TTN: variants seen among roughly 807,000 people sequenced by gnomAD.
TTN encodes the protein connectin.
In TTN, 1,525 loss-of-function variants were observed where a neutral mutation model predicts 3,223.0. The observed-to-expected ratio is 0.47, with a 90% CI of 0.45 to 0.49. The LOEUF (loss-of-function observed/expected upper bound fraction) is 0.49. Among genes scored for constraint, TTN ranks in the 20% least tolerant of loss-of-function variants. TTN has a pLI of 0.00. For synonymous variants in TTN, 14,094 were observed against 15,161.0 expected (o/e 0.93, Z 5.17); for missense variants, 40,786 against 43,424.0 (o/e 0.94, Z 5.40).
rs1436610603 is a variant in TTN, at chr2:178,592,520, T to C, written c.59485A>G (p.Thr19829Ala). The C allele has an allele frequency of 1.2e-6, 2 of 1,613,522 alleles. No individual in the cohort carries two copies. The highest frequency in any genetic ancestry group is 1.7e-6 in the Non-Finnish European group (2 of 1,179,588). Reference protein sequence around the residue: ...TWKKEDRDAPTKARIDVTPVG... With the variant: ...TWKKEDRDAPAKARIDVTPVG... ...GGAGTCACATCAATTCTTGCTTTAG[T>C]TGGAGCATCTCTGTCTTCTTTTTTC... is the stretch of plus-strand genomic sequence containing the variant. The change falls in exon 301 of 363, where the codon ACT (threonine) becomes GCT (alanine). Residue 19829 changes from threonine to alanine, a missense_variant. Thr to Ala is a moderately conservative substitution (Grantham distance 58). Transcript: ENST00000589042.
chr2:178,714,226 T>C lies in TTN; in HGVS notation c.26483-51A>G, dbSNP rs2077117069. 2.5e-6 allele frequency: 4 copies of C among 1,590,296 alleles called. No individual in the cohort carries two copies. The East Asian group carries it at 9.0e-5, about 36-fold the overall frequency. ...ATATTTTAAACTCAAATTGAAAAACTAAAGAAAATACAGATCCTGGTGAGT... is the reference window on the plus strand; with the variant it reads ...ATATTTTAAACTCAAATTGAAAAACCAAAGAAAATACAGATCCTGGTGAGT... On this transcript the variant is annotated intron_variant, in intron 91 of 362. Coordinates refer to ENST00000589042, the MANE Select transcript of TTN (RefSeq NM_001267550.2).
In TTN at chr2:178,581,856, T is replaced by A. The variant is rs568067340; in HGVS notation, c.66463+50A>T. 3.1e-6 allele frequency: 5 copies of A among 1,604,556 alleles called. No homozygotes were observed. In the East Asian group the frequency reaches 9.0e-5, roughly 29 times the overall value. ...TTCATGAAAACTTCCTTCCTGGGTG[T>A]TTAATGCTGCTTTTAACACAGGATA... On this transcript the variant is annotated intron_variant, in intron 315 of 362. Transcript: ENST00000589042.
chr2:178,692,984 G>T (rs539637354), intron 119 of TTN, among the ~76,000 whole-genome samples: 3 of 152,054 alleles, frequency 2.0e-5, no homozygotes, highest in East Asian at 1.9e-4. Context: ...TGGGATGGAG[G>T]GGGTGGAGCC....
In TTN at chr2:178,789,361, T is replaced by C. The variant is rs2093369294; in HGVS notation, c.2075A>G (p.Lys692Arg). The C allele has an allele frequency of 6.2e-7, 1 of 1,613,156 alleles. No homozygotes were observed. Among genetic ancestry groups the C allele is most frequent in the South Asian group, 1.1e-5 (1 of 91,066 alleles). Residue 692 changes from lysine to arginine, a missense_variant and splice_region_variant, in exon 13 of 363, where the codon AAG becomes AGG. Transcript: ENST00000589042. ...RQEQIQVTHG[K>R]VDVGKKAEAV... Reference sequence around the variant, plus strand: ...CACACTTGGAACAACAATAGTCACCTTTCCATGGGTAACTTGGATTTGTTC... The same window carrying C: ...CACACTTGGAACAACAATAGTCACCCTTCCATGGGTAACTTGGATTTGTTC...
intron 47 of TTN, chr2:178,744,761 G>A (rs527724098): frequency 1.0e-6 from 1 of 984,920 alleles, no homozygotes; most frequent in Non-Finnish European, 1.2e-6. Context: ...CAATATGATA[G>A]TTTCCCTTTT....
At chr2:178,660,903 A>G (rs2064630590) in intron 180 of TTN, among the ~76,000 whole-genome samples, 1 of 134,312 alleles carries the variant, frequency 7.4e-6, no homozygotes, top group Non-Finnish European at 1.6e-5. Context: ...ACATTTATGC[A>G]GCCAAAATAC....
chr2:178,675,896 C>A, intron 148 of TTN, 25 bp downstream of exon 148: 1 of 1,597,424 alleles, frequency 6.3e-7, no homozygotes, highest in Non-Finnish European at 8.5e-7. Context: ...ATGGCATAGT[C>A]TAATTTACTT....
chr2:178,765,643 T>C (rs1019208704), intron 41 of TTN, among the ~76,000 whole-genome samples: 2 of 152,104 alleles, frequency 1.3e-5, no homozygotes, highest in Admixed American at 6.6e-5. Context: ...ACCCCTGGAG[T>C]TCCTGCATCT....
Position 178,580,531 on chromosome 2 carries a change from A to G in TTN, c.66848T>C (p.Val22283Ala), listed in dbSNP as rs1246688280. Residue 22283 changes from valine to alanine, a missense_variant, in exon 317 of 363, where the codon GTA (valine) becomes GCA (alanine). Physicochemically the swap from Val to Ala is moderately conservative, Grantham distance 64. Transcript: ENST00000589042. ...TGGAGGTGGGCGTCCTTTTACTGGT[A>G]CATATAGTCTCATAGTAACTCCAGC... ...LRAGVTMRLYVPVKGRPPPKI... is the reference protein window; with the variant it reads ...LRAGVTMRLYAPVKGRPPPKI... 6.2e-7 allele frequency: 1 copy of G among 1,612,810 alleles called. No individual in the cohort carries two copies. Among genetic ancestry groups the G allele is most frequent in the Non-Finnish European group, 8.5e-7 (1 of 1,179,292 alleles).
rs2091889852 is a variant in TTN at position 178,773,944 on chromosome 2, T to C, written c.7224A>G (p.Gln2408=). The C allele has an allele frequency of 2.5e-6, 4 of 1,614,084 alleles. No individual in the cohort carries two copies. The highest frequency in any genetic ancestry group is 3.4e-6 in the Non-Finnish European group (4 of 1,179,980). The change falls in exon 31 of 363, where the codon CAA becomes CAG. Residue 2408 remains glutamine (Q), a synonymous_variant. Transcript: ENST00000589042. ...SDRVHIVIDK[Q]SHMLLIEDMT... ...TGTCTTCAATGAGCAGCATATGAGATTGTTTGTCTATCACAATGTGAACCC... is the reference window on the plus strand; with the variant it reads ...TGTCTTCAATGAGCAGCATATGAGACTGTTTGTCTATCACAATGTGAACCC...
chr2:178,682,260 A>T (rs1402627460), intron 135 of TTN, among the ~76,000 whole-genome samples: 1 of 152,022 alleles, frequency 6.6e-6, no homozygotes, highest in African/African-American at 2.4e-5. Context: ...TCAAGTTTTG[A>T]TAATGGGAAC....
chr2:178,732,486 G>C lies in TTN; in HGVS notation c.16575C>G (p.Ser5525Arg). The C allele has an allele frequency of 6.2e-7, 1 of 1,613,080 alleles. No homozygotes were observed. Among genetic ancestry groups the C allele is most frequent in the Non-Finnish European group, 8.5e-7 (1 of 1,179,390 alleles). ...SDSGTYTCKV[S>R]NVAGGVECSA... ...TGCATTCCACCCCTCCAGCGACATT[G>C]CTGACTTTACATGTGTACGTGCCCG... Residue 5525 changes from serine (S) to arginine (R), a missense_variant, in exon 56 of 363, where the codon AGC becomes AGG. By Grantham distance (110) the Ser-to-Arg change is moderately radical (BLOSUM62 -1). Transcript: ENST00000589042.
chr2:178,681,088 C>T lies in TTN; in HGVS notation c.33331G>A (p.Ala11111Thr), dbSNP rs545067681. The change falls in exon 138 of 363, where the codon GCT (alanine) becomes ACT (threonine). Residue 11111 changes from alanine to threonine, a missense_variant. Transcript: ENST00000589042. The part of the protein sequence containing the change: ...KREKEQVTEP[A>T]AKVPMKPKRV... The stretch of plus-strand genomic sequence containing the variant: ...AAGGAAATCATTATACCTTTAGCAG[C>T]GGGTTCAGTCACCTGCTCTTTTTCA... 5.7e-5 allele frequency: 91 copies of T among 1,599,896 alleles called. No homozygotes were observed. Among genetic ancestry groups the T allele is most frequent in the South Asian group, 4.0e-4 (35 of 86,942 alleles).
In TTN at chr2:178,539,567, A is replaced by G; in HGVS notation, c.98498T>C (p.Leu32833Pro). The change falls in exon 352 of 363, where the codon CTC (leucine) becomes CCC (proline). Residue 32833 changes from leucine (L) to proline (P), a missense_variant. Coordinates refer to ENST00000589042, the MANE Select transcript of TTN (RefSeq NM_001267550.2). ...GGCTTTAGGCACTTCTCGTCTCTCG[A>G]GGATGTAGCCTAAGATGTCAGCACC... is the stretch of plus-strand genomic sequence containing the variant. ...DGGADILGYI[L>P]ERREVPKAAW... 6.2e-7 allele frequency: 1 copy of G among 1,613,772 alleles called. No individual in the cohort carries two copies.
Position 178,667,729 on chromosome 2 carries a change from G to C in TTN, c.35546-8C>G. The C allele has an allele frequency of 6.5e-7, 1 of 1,532,778 alleles. No individual in the cohort carries two copies. Among genetic ancestry groups the C allele is most frequent in the Non-Finnish European group, 8.9e-7 (1 of 1,129,054 alleles). 94.9% of individuals were successfully genotyped at this position (1,532,778 alleles called of 1,614,324 possible). A position where few individuals can be genotyped will look rare whatever the true frequency, so the allele number is the denominator to read the frequency against. On this transcript the variant is annotated splice_polypyrimidine_tract_variant and splice_region_variant and intron_variant, in intron 159 of 362. Transcript: ENST00000589042. ...CTTCAGATGCTTCATAAACTTTAAA[G>C]ATATTAGTATTTAAATAATTAGGAT...
rs920745821 is a variant in TTN, at chr2:178,693,919, T to C, written c.31513+3A>G. ...AGCCCCCACATTCCAGTTTGCCTTA[T>C]ACCTGTGACTGACACCTCCTCCTCT... On this transcript the variant is annotated splice_donor_region_variant and intron_variant, in intron 118 of 362. Coordinates refer to ENST00000589042, the MANE Select transcript of TTN (RefSeq NM_001267550.2). The C allele has an allele frequency of 1.2e-6, 2 of 1,612,474 alleles. No individual in the cohort carries two copies. Among genetic ancestry groups the C allele is most frequent in the Non-Finnish European group, 1.7e-6 (2 of 1,178,978 alleles).
intron 47 of TTN, chr2:178,752,053 A>C (rs934304873): frequency 1.3e-6 from 2 of 1,587,292 alleles, no homozygotes; most frequent in Non-Finnish European, 1.7e-6. Context: ...GAAAAAAAAA[A>C]AAAAACCTTT....
In TTN at chr2:178,561,879, A is replaced by G. The variant is rs2154160212; in HGVS notation, c.84253T>C (p.Cys28085Arg). 6.2e-7 allele frequency: 1 copy of G among 1,613,672 alleles called. No homozygotes were observed. The highest frequency in any genetic ancestry group is 2.2e-5 in the East Asian group (1 of 44,774). The change falls in exon 326 of 363, where the codon TGC becomes CGC. Residue 28085 changes from cysteine to arginine, a missense_variant. Physicochemically the swap from Cys to Arg is radical, Grantham distance 180. Transcript: ENST00000589042. ...TCAACAATGTAATTGCTAATTTGGC[A>G]GCCACCATCATATTCTGGAGGATTC... The part of the protein sequence containing the change: ...SWNPPEYDGG[C>R]QISNYIVEKK...
In TTN at chr2:178,542,721, G is replaced by A; in HGVS notation, c.97133C>T (p.Thr32378Ile). The change falls in exon 348 of 363, where the codon ACA (threonine) becomes ATA (isoleucine). Residue 32378 changes from threonine (T) to isoleucine (I), a missense_variant. Physicochemically the swap from Thr to Ile is moderately conservative, Grantham distance 89. Transcript: ENST00000589042. ...ETTIRDTGEY[T>I]LELKNVTGTT... ...TCCGGTAACATTCTTCAATTCAAGT[G>A]TGTATTCTCCAGTATCTCTGATAGT... 6.2e-7 allele frequency: 1 copy of A among 1,613,830 alleles called. No homozygotes were observed. The highest frequency in any genetic ancestry group is 8.5e-7 in the Non-Finnish European group (1 of 1,179,778).
Sources: allele counts gnomAD v4.1 joint callset (sites outside exome capture counted in the v4.1 genomes callset), GRCh38; gene constraint gnomAD v4.1.1; transcripts MANE v1.5; gene names NCBI Gene and HGNC (gene_info 2026-07-23, HGNC 2026-07-21).